Variants in SKI observed in about 807,000 individuals in gnomAD.
The protein encoded by SKI is ski oncogene.
Under a neutral mutation model 59.3 loss-of-function variants are expected in SKI, and 23 were observed. The observed-to-expected ratio is 0.39, with a 90% CI of 0.28 to 0.55. SKI has a LOEUF of 0.55. Among genes scored for constraint, SKI ranks in the 20% least tolerant of loss-of-function variants. SKI has a pLI of 0.67. For synonymous variants in SKI, 673 were observed against 488.6 expected (o/e 1.38, Z -4.98); for missense variants, 1,017 against 1,038.9 (o/e 0.98, Z 0.29).
At chr1:2,306,285 G>A in intron 6 of SKI, 35 bp downstream of exon 6, 1 of 1,510,388 alleles carries the variant, frequency 6.6e-7, no homozygotes. Context: ...ACGCAGCACG[G>A]TGGGCGTGGA....
intron 1 of SKI, among the ~76,000 whole-genome samples, chr1:2,244,243 C>T (rs904156085): frequency 5.9e-5 from 9 of 151,322 alleles, no homozygotes; most frequent in Non-Finnish European, 8.8e-5. Flanking sequence ...GGATTACAGG[C>T]GTGAGCCACT....
intron 1 of SKI, among the ~76,000 whole-genome samples, chr1:2,300,469 G>A (rs897211678): frequency 2.0e-5 from 3 of 152,224 alleles, no homozygotes; most frequent in South Asian, 2.1e-4. Flanking sequence ...GTCACTGGGT[G>A]TGGTTTTGTC....
In SKI at chr1:2,267,719, G is replaced by A. The variant is rs983184448; in HGVS notation, c.970-35259G>A. On this transcript the variant is annotated intron_variant, in intron 1 of 6. Transcript: ENST00000378536. This position sits in a 1 kb window ranked among gnomAD's most constrained non-coding sequence, Gnocchi z 4.1. The stretch of plus-strand genomic sequence containing the variant: ...AGCCGGCCTTTGGGCTTCAGGAAAC[G>A]CAGCTGGGACATCCTGAGGTGTGTG... 3.9e-5 allele frequency among the ~76,000 whole-genome samples: 6 copies of A among 152,210 alleles called. No individual in the cohort carries two copies. Among genetic ancestry groups the A allele is most frequent in the African/African-American group, 9.6e-5 (4 of 41,454 alleles).
intron 1 of SKI, among the ~76,000 whole-genome samples, chr1:2,238,990 T>C (rs1470611870): frequency 6.6e-6 from 1 of 152,156 alleles, no homozygotes; most frequent in East Asian, 1.9e-4. Flanking sequence ...GCATGGTCCC[T>C]GGCCACCTGC....
At chr1:2,265,136 CTCTT>C (rs1639473531) in intron 1 of SKI, among the ~76,000 whole-genome samples, 1 of 152,160 alleles carries the variant, frequency 6.6e-6, no homozygotes, top group South Asian at 2.1e-4. Flanking sequence ...TTAAGATTGT[CTCTT>C]TGTCACTGCT....
In SKI at chr1:2,268,508, G is replaced by T. The variant is rs1639546913; in HGVS notation, c.970-34470G>T. Among the ~76,000 whole-genome samples, 1 of 152,190 alleles carries T rather than the reference G, an allele frequency of 6.6e-6. No homozygotes were observed. The highest frequency in any genetic ancestry group is 2.1e-4 in the South Asian group (1 of 4,838). ...CTTGGGGTATGTCTGGGTGCATGGG[G>T]ACTCCTCTGGCCTCCCCAGCGGTGC... On this transcript the variant is annotated intron_variant, in intron 1 of 6. Coordinates refer to ENST00000378536, the MANE Select transcript of SKI (RefSeq NM_003036.4). This position sits in a 1 kb window ranked among gnomAD's most constrained non-coding sequence, Gnocchi z 5.0.
chr1:2,303,956 C>G lies in SKI; in HGVS notation c.1328C>G (p.Pro443Arg). Residue 443 changes from proline to arginine, a missense_variant, in exon 4 of 7, where the codon CCC (proline) becomes CGC (arginine). Physicochemically the swap from Pro to Arg is moderately radical, Grantham distance 103. Transcript: ENST00000378536. This position sits in a 1 kb window ranked among gnomAD's most constrained non-coding sequence, Gnocchi z 5.6. ...PPCAAAVSRA[P>R]EPLATCTQPR... ...TGTGCCGCCGCCGTCTCCCGGGCCC[C>G]CGAGCCTCTCGCCACTTGCACCCAG... 1 of 1,612,068 alleles carries G rather than the reference C, an allele frequency of 6.2e-7. No homozygotes were observed. Among genetic ancestry groups the G allele is most frequent in the Non-Finnish European group, 8.5e-7 (1 of 1,179,674 alleles).
chr1:2,277,798 G>A (rs566050297), intron 1 of SKI, among the ~76,000 whole-genome samples: 1 of 144,322 alleles, frequency 6.9e-6, no homozygotes, highest in African/African-American at 2.6e-5. Context: ...CACCGTGAGC[G>A]CACACACCTG....
chr1:2,253,024 A>C (rs1639195737), intron 1 of SKI, among the ~76,000 whole-genome samples: 1 of 151,040 alleles, frequency 6.6e-6, no homozygotes, highest in Non-Finnish European at 1.5e-5. Context: ...TGAATCCGGG[A>C]GGCAGAGGTT....
intron 1 of SKI, among the ~76,000 whole-genome samples, chr1:2,256,592 C>T (rs1639280106): frequency 6.6e-6 from 1 of 152,232 alleles, no homozygotes; most frequent in Non-Finnish European, 1.5e-5. Flanking sequence ...GCACACTGTG[C>T]AGTTGGGTGC....
At chr1:2,275,278 G>T (rs530710298) in intron 1 of SKI, among the ~76,000 whole-genome samples, 1 of 152,220 alleles carries the variant, frequency 6.6e-6, no homozygotes, top group Non-Finnish European at 1.5e-5. Context: ...CAGGCGCCAC[G>T]GCGGCTCCTT....
At chr1:2,265,175 C>G (rs1409509811) in intron 1 of SKI, among the ~76,000 whole-genome samples, 18 of 152,154 alleles carry the variant, frequency 1.2e-4, no homozygotes, top group Non-Finnish European at 2.9e-5. Flanking sequence ...TGTGGTTTCC[C>G]CGTGCCGCAT....
At chr1:2,248,920 T>G (rs1351015121) in intron 1 of SKI, among the ~76,000 whole-genome samples, 3 of 152,292 alleles carry the variant, frequency 2.0e-5, no homozygotes, top group East Asian at 1.9e-4. Context: ...CTCTCCTGTT[T>G]GGAAGAGGCA....
At chr1:2,291,496 C>G (rs1291423505) in intron 1 of SKI, among the ~76,000 whole-genome samples, 1 of 152,244 alleles carries the variant, frequency 6.6e-6, no homozygotes, top group Non-Finnish European at 1.5e-5. Context: ...GCCATTGGCC[C>G]CTGGTGGACG....
At chr1:2,251,806 C>G (rs1243489808) in intron 1 of SKI, among the ~76,000 whole-genome samples, 1 of 152,200 alleles carries the variant, frequency 6.6e-6, no homozygotes, top group Non-Finnish European at 1.5e-5. Context: ...GAATGTCGAC[C>G]ATTTTCTCGA....
At chr1:2,230,998 C>A (rs140712643) in intron 1 of SKI, among the ~76,000 whole-genome samples, 2 of 152,192 alleles carry the variant, frequency 1.3e-5, no homozygotes, top group East Asian at 3.9e-4. Context: ...TGTGTGCGCG[C>A]TTCTGACCCT....
chr1:2,303,283 A>G lies in SKI; in HGVS notation c.1096-2A>G. The G allele has an allele frequency of 6.2e-7, 1 of 1,613,312 alleles. No individual in the cohort carries two copies. Among genetic ancestry groups the G allele is most frequent in the Non-Finnish European group, 8.5e-7 (1 of 1,179,908 alleles). ...CTCACACAGACAACTCTTTCTCGACAGAGCCTGGGCTGTGTTCACCCTCGC... is the reference window on the plus strand; with the variant it reads ...CTCACACAGACAACTCTTTCTCGACGGAGCCTGGGCTGTGTTCACCCTCGC... On this transcript the variant is annotated splice_acceptor_variant, in intron 2 of 6. Transcript: ENST00000378536. LOFTEE classifies it high-confidence loss of function. This position sits in a 1 kb window ranked among gnomAD's most constrained non-coding sequence, Gnocchi z 5.6.
rs374432040 is a variant in SKI, at chr1:2,260,002, A to G, written c.969+30267A>G. 2.2e-4 allele frequency among the ~76,000 whole-genome samples: 34 copies of G among 152,304 alleles called. 1 individual carries two copies. The Middle Eastern group carries it at 0.017, about 76-fold the overall frequency. ...CGGGTACAAGTTGTTGTCGGGATAC[A>G]CGGTTTTATTTCCCTGGATAGATAC... On this transcript the variant is annotated intron_variant, in intron 1 of 6. Transcript: ENST00000378536.
At chr1:2,230,532 C>T (rs576786274) in intron 1 of SKI, among the ~76,000 whole-genome samples, 6 of 152,200 alleles carry the variant, frequency 3.9e-5, no homozygotes, top group East Asian at 1.9e-4. Flanking sequence ...TCACCCATTT[C>T]CTTCTCTCCC....
Sources: allele counts gnomAD v4.1 joint callset (sites outside exome capture counted in the v4.1 genomes callset), GRCh38; gene constraint gnomAD v4.1.1; non-coding constraint Gnocchi (gnomAD v3.1); transcripts MANE v1.5; gene names NCBI Gene and HGNC (gene_info 2026-07-23, HGNC 2026-07-21).